The following SPOCK3 variants were observed in gnomAD, a reference collection of about 807,000 sequenced individuals.
SPOCK3 encodes the protein testican-3.
In SPOCK3, 30 loss-of-function variants were observed where a neutral mutation model predicts 56.6. The ratio of observed to expected loss-of-function variants is 0.53; its 90% CI spans 0.40 to 0.72. The LOEUF is 0.72. SPOCK3 is among the 30% of genes least tolerant of loss of function. SPOCK3 has a pLI of 0.00. For missense variants in SPOCK3, 527 were observed against 530.0 expected (o/e 0.99, Z 0.06); for synonymous variants, 196 against 183.3 (o/e 1.07, Z -0.56).
chr4:167,051,854 T>A (rs1156793480), intron 3 of SPOCK3, among the ~76,000 whole-genome samples: 6 of 152,200 alleles, frequency 3.9e-5, no homozygotes, highest in Admixed American at 1.3e-4. Context: ...TTCCTGAAAG[T>A]CAGGGTCGGC....
chr4:167,205,336 A>T (rs1164425870), intron 2 of SPOCK3, among the ~76,000 whole-genome samples: 4 of 44,086 alleles, frequency 9.1e-5, no homozygotes, highest in Non-Finnish European at 1.5e-4. Flanking sequence ...AATATATATT[A>T]TATATTATAT....
At chr4:167,017,798 AC>A (rs1750767982) in intron 3 of SPOCK3, among the ~76,000 whole-genome samples, 2 of 152,194 alleles carry the variant, frequency 1.3e-5, no homozygotes, top group South Asian at 4.1e-4. Context: ...AGCTTTCAAC[AC>A]ATCTGTACTT....
intron 4 of SPOCK3, among the ~76,000 whole-genome samples, chr4:166,926,736 T>C (rs1478535900): frequency 6.6e-6 from 1 of 152,182 alleles, no homozygotes; most frequent in Non-Finnish European, 1.5e-5. Flanking sequence ...TATGGAATAA[T>C]TATTTTTAGA....
chr4:166,911,895 C>G (rs1380690494), intron 5 of SPOCK3, among the ~76,000 whole-genome samples: 1 of 152,056 alleles, frequency 6.6e-6, no homozygotes, highest in Non-Finnish European at 1.5e-5. Context: ...GCTACACTAC[C>G]TTTCTAAAAT....
chr4:166,868,363 G>T (rs1370849454), intron 6 of SPOCK3, among the ~76,000 whole-genome samples: 1 of 151,998 alleles, frequency 6.6e-6, no homozygotes, highest in Non-Finnish European at 1.5e-5. Flanking sequence ...AGGAGGCTGG[G>T]GTGGGAGGAT....
chr4:167,217,478 A>G (rs1183289882), intron 2 of SPOCK3, among the ~76,000 whole-genome samples: 2 of 152,096 alleles, frequency 1.3e-5, no homozygotes, highest in Admixed American at 6.6e-5. Context: ...GTATTGGAGA[A>G]TGAGTGTAGG....
chr4:166,994,312 T>G (rs1286233213), intron 4 of SPOCK3, among the ~76,000 whole-genome samples: 1 of 152,314 alleles, frequency 6.6e-6, no homozygotes, highest in Non-Finnish European at 1.5e-5. Flanking sequence ...AAGTACCATT[T>G]GTATGATACC....
intron 8 of SPOCK3, among the ~76,000 whole-genome samples, chr4:166,743,646 A>C (rs995449984): frequency 4.6e-5 from 7 of 152,332 alleles, no homozygotes; most frequent in African/African-American, 1.4e-4. Flanking sequence ...GAGCCGAAGC[A>C]GGGCGGGACA....
intron 4 of SPOCK3, among the ~76,000 whole-genome samples, chr4:166,978,942 C>A (rs1397032816): frequency 6.6e-6 from 1 of 152,120 alleles, no homozygotes; most frequent in Non-Finnish European, 1.5e-5. Context: ...GGGAAGGAGA[C>A]ATTTCTCTGT....
At chr4:166,872,752 C>T (rs1732620105) in intron 6 of SPOCK3, among the ~76,000 whole-genome samples, 1 of 152,002 alleles carries the variant, frequency 6.6e-6, no homozygotes, top group Non-Finnish European at 1.5e-5. Context: ...TTTTTTGTTG[C>T]TGTAACAGAA....
At chr4:166,790,438 A>G (rs1420694407) in intron 7 of SPOCK3, among the ~76,000 whole-genome samples, 1 of 152,094 alleles carries the variant, frequency 6.6e-6, no homozygotes, top group Non-Finnish European at 1.5e-5. Flanking sequence ...TTGTCTGTGG[A>G]TTTGTCATGC....
intron 2 of SPOCK3, among the ~76,000 whole-genome samples, chr4:167,081,373 T>G (rs1757691686): frequency 6.6e-6 from 1 of 152,072 alleles, no homozygotes; most frequent in South Asian, 2.1e-4. Context: ...TGTCTTCTTT[T>G]TTTACTATGA....
rs977796496 is a variant in SPOCK3 at position 167,222,979 on chromosome 4, T to C, written c.189+11006A>G. 2.4e-5 allele frequency among the ~76,000 whole-genome samples: 3 copies of C among 126,772 alleles called. No homozygotes were observed. In the East Asian group the frequency reaches 7.0e-4, roughly 30 times the overall value. 83.2% of individuals were successfully genotyped at this position (126,772 alleles called of 152,430 possible). A position where few individuals can be genotyped will look rare whatever the true frequency, so the allele number is the denominator to read the frequency against. ...ATATTATACATATTTTATATGAATA[T>C]ATATTATATTTTATATATGAATATA... On this transcript the variant is annotated intron_variant, in intron 2 of 10. Coordinates refer to ENST00000357545, the MANE Select transcript of SPOCK3 (RefSeq NM_001040159.2).
At chr4:167,109,419 A>G (rs1273733769) in intron 2 of SPOCK3, among the ~76,000 whole-genome samples, 2 of 92,534 alleles carry the variant, frequency 2.2e-5, no homozygotes, top group East Asian at 6.1e-4. Context: ...ATATATATAT[A>G]AATATATATA....
intron 4 of SPOCK3, among the ~76,000 whole-genome samples, chr4:166,930,147 TA>T (rs906132232): frequency 1.3e-5 from 2 of 152,104 alleles, no homozygotes; most frequent in South Asian, 2.1e-4. Context: ...ACTTTGTTTA[TA>T]AAAAAATGTT....
chr4:166,792,239 A>C lies in SPOCK3; in HGVS notation c.640T>G (p.Phe214Val). The C allele has an allele frequency of 2.5e-6, 4 of 1,613,902 alleles. No individual in the cohort carries two copies. The highest frequency in any genetic ancestry group is 3.4e-6 in the Non-Finnish European group (4 of 1,179,874). ...CTTCCACTTTCATGAAGGGCCTTGA[A>C]CCAGTCCCGCAATCTGTTTGCCACT... ...REVANRLRDW[F>V]KALHESGSQN... The change falls in exon 7 of 11, where the codon TTC becomes GTC. Residue 214 changes from phenylalanine (F) to valine (V), a missense_variant. By Grantham distance (50) the Phe-to-Val change is conservative. Coordinates refer to ENST00000357545, the MANE Select transcript of SPOCK3 (RefSeq NM_001040159.2).
intron 3 of SPOCK3, among the ~76,000 whole-genome samples, chr4:167,006,825 T>C (rs755884192): frequency 2.6e-5 from 4 of 152,216 alleles, no homozygotes; most frequent in Non-Finnish European, 5.9e-5. Context: ...TGTTTCCTCA[T>C]ACCTGTTGCT....
intron 4 of SPOCK3, among the ~76,000 whole-genome samples, chr4:166,986,058 A>G (rs1747124648): frequency 6.6e-6 from 1 of 152,192 alleles, no homozygotes; most frequent in Non-Finnish European, 1.5e-5. Flanking sequence ...AAATTTTCCA[A>G]ATCTACAATA....
intron 6 of SPOCK3, among the ~76,000 whole-genome samples, chr4:166,854,154 C>T (rs1730419807): frequency 6.6e-6 from 1 of 152,146 alleles, no homozygotes; most frequent in Non-Finnish European, 1.5e-5. Context: ...CTCTCCCTCC[C>T]AAAGCAAAGA....
Sources: allele counts gnomAD v4.1 joint callset (sites outside exome capture counted in the v4.1 genomes callset), GRCh38; gene constraint gnomAD v4.1.1; transcripts MANE v1.5; gene names NCBI Gene and HGNC (gene_info 2026-07-23, HGNC 2026-07-21).